The following CMIP variants were observed in gnomAD, a reference collection of about 807,000 sequenced individuals.
CMIP encodes c-Maf inducing protein.
A neutral mutation model predicts 97.3 loss-of-function variants in CMIP; 13 were observed. That is an observed-to-expected ratio of 0.13 (90% CI 0.09 to 0.21). CMIP has a LOEUF of 0.21. CMIP is among the 10% of genes least tolerant of loss of function. CMIP has a pLI of 1.00. For synonymous variants in CMIP, 538 were observed against 436.3 expected (o/e 1.23, Z -2.91); for missense variants, 847 against 1,024.9 (o/e 0.83, Z 2.37).
chr16:81,559,415 C>T (rs1284222709), intron 1 of CMIP, among the ~76,000 whole-genome samples: 1 of 152,220 alleles, frequency 6.6e-6, no homozygotes, highest in Admixed American at 6.5e-5. Flanking sequence ...GGAGATAGAG[C>T]AACGACCACA....
rs1281551724 is a variant in CMIP, at chr16:81,678,472, C to T, written c.1232C>T (p.Thr411Ile). ...EIHVEVERTSTAKPALTASAG... is the reference protein window; with the variant it reads ...EIHVEVERTSIAKPALTASAG... ...CACGTGGAGGTGGAACGCACCAGCA[C>T]TGCCAAGCCGGCGCTGACGGCCAGC... Residue 411 changes from threonine to isoleucine, a missense_variant, in exon 10 of 21, where the codon ACT (threonine) becomes ATT (isoleucine). Physicochemically the swap from Thr to Ile is moderately conservative, Grantham distance 89. This residue lies in a region of CMIP where 202 missense variants were observed against 168.7 expected (regional missense o/e 1.20). Coordinates refer to ENST00000537098, the MANE Select transcript of CMIP (RefSeq NM_198390.3). The T allele has an allele frequency of 1.3e-6, 2 of 1,593,100 alleles. No individual in the cohort carries two copies. The highest frequency in any genetic ancestry group is 3.5e-5 in the Admixed American group (2 of 56,582).
intron 1 of CMIP, among the ~76,000 whole-genome samples, chr16:81,575,404 T>C (rs905100369): frequency 1.3e-5 from 2 of 152,158 alleles, no homozygotes; most frequent in African/African-American, 4.8e-5. Flanking sequence ...TGGCCCTCCT[T>C]TTCTAGCAGG....
chr16:81,696,113 A>C (rs1221490284), intron 13 of CMIP: 1 of 224,280 alleles, frequency 4.5e-6, no homozygotes, highest in Non-Finnish European at 9.0e-6. Flanking sequence ...AGGAGTTAGA[A>C]ACACAGAGAG....
At chr16:81,539,953 G>A (rs888730604) in intron 1 of CMIP, among the ~76,000 whole-genome samples, 1 of 152,230 alleles carries the variant, frequency 6.6e-6, no homozygotes, top group Non-Finnish European at 1.5e-5. Context: ...CCAGCCCTGA[G>A]CACTGGGCCT....
At chr16:81,563,849 A>G (rs1296493979) in intron 1 of CMIP, among the ~76,000 whole-genome samples, 1 of 152,224 alleles carries the variant, frequency 6.6e-6, no homozygotes, top group Non-Finnish European at 1.5e-5. Flanking sequence ...TGTCGGGGCC[A>G]TTAATGGCAC....
At chr16:81,591,187 C>G (rs1211260706) in intron 1 of CMIP, among the ~76,000 whole-genome samples, 1 of 152,218 alleles carries the variant, frequency 6.6e-6, no homozygotes, top group Non-Finnish European at 1.5e-5. Flanking sequence ...CCTCAGTTTT[C>G]TCATCTATAA....
intron 1 of CMIP, among the ~76,000 whole-genome samples, chr16:81,480,796 C>A (rs1908212610): frequency 1.3e-5 from 2 of 152,182 alleles, no homozygotes; most frequent in South Asian, 4.1e-4. Flanking sequence ...ACATCAGTTT[C>A]CCCAACATTG....
chr16:81,659,616 C>G (rs999715188), intron 5 of CMIP, among the ~76,000 whole-genome samples: 1 of 152,166 alleles, frequency 6.6e-6, no homozygotes. Flanking sequence ...GCCTTCCTCT[C>G]CCTGCCAGCA....
rs192881993 is a variant in CMIP, at chr16:81,699,151, G to A, written c.1639-534G>A. Among the ~76,000 whole-genome samples the A allele has an allele frequency of 1.5e-4, 23 of 152,310 alleles. No individual in the cohort carries two copies. The East Asian group carries it at 4.4e-3, about 29-fold the overall frequency. On this transcript the variant is annotated intron_variant, in intron 14 of 20. Coordinates refer to ENST00000537098, the MANE Select transcript of CMIP (RefSeq NM_198390.3). ...GCCTGTAATCCTAGCTTACTAGGGA[G>A]GCTGAGGTGGGAGGATTGCTTGAAC... is the stretch of plus-strand genomic sequence containing the variant.
chr16:81,493,413 T>G (rs1362230135), intron 1 of CMIP, among the ~76,000 whole-genome samples: 2 of 151,632 alleles, frequency 1.3e-5, no homozygotes, highest in Admixed American at 1.3e-4. Context: ...AAAATGCAGA[T>G]GGGAATGTCG....
At chr16:81,477,227 C>T (rs912815683) in intron 1 of CMIP, among the ~76,000 whole-genome samples, 1 of 151,808 alleles carries the variant, frequency 6.6e-6, no homozygotes, top group Non-Finnish European at 1.5e-5. Flanking sequence ...GTGGTCTCGG[C>T]TCACTGCAAC....
At chr16:81,594,907 A>C (rs962764422) in intron 1 of CMIP, among the ~76,000 whole-genome samples, 11 of 151,322 alleles carry the variant, frequency 7.3e-5, no homozygotes, top group African/African-American at 2.7e-4. Context: ...TGGGGATTAC[A>C]GGTGTGAGCC....
chr16:81,469,684 G>C (rs145627146), intron 1 of CMIP, among the ~76,000 whole-genome samples: 1 of 152,218 alleles, frequency 6.6e-6, no homozygotes, highest in African/African-American at 2.4e-5. Flanking sequence ...GTTCTTCAGA[G>C]AACTCACTAT....
At chr16:81,530,208 A>T (rs2090205674) in intron 1 of CMIP, among the ~76,000 whole-genome samples, 1 of 152,174 alleles carries the variant, frequency 6.6e-6, no homozygotes, top group African/African-American at 2.4e-5. Flanking sequence ...CATTCCTACC[A>T]GGGTCCCACG....
intron 1 of CMIP, among the ~76,000 whole-genome samples, chr16:81,577,758 A>G (rs961700138): frequency 6.8e-6 from 1 of 146,130 alleles, no homozygotes; most frequent in African/African-American, 2.7e-5. Context: ...CCACTACGCT[A>G]TTATCACTAT....
chr16:81,594,232 C>G (rs1028573097), intron 1 of CMIP, among the ~76,000 whole-genome samples: 6 of 150,900 alleles, frequency 4.0e-5, no homozygotes, highest in African/African-American at 1.5e-4. Context: ...ATCCTCCCAC[C>G]TCAGCCTCCC....
Position 81,603,009 on chromosome 16 carries a change from C to T in CMIP, c.301-4558C>T, listed in dbSNP as rs146225730. ...TCAGAGGCTTTCCATCCCAATCCAG[C>T]CCATGTCCCCTGCAAGCCTCCCGTG... On this transcript the variant is annotated intron_variant, in intron 1 of 20. Coordinates refer to ENST00000537098, the MANE Select transcript of CMIP (RefSeq NM_198390.3). Among the ~76,000 whole-genome samples, 745 of 152,342 alleles carry T rather than the reference C, an allele frequency of 4.9e-3. 10 individuals carry two copies. Among genetic ancestry groups the T allele is most frequent in the African/African-American group, 0.017 (716 of 41,584 alleles).
At chr16:81,495,232 A>G in intron 1 of CMIP, 1 of 1,185,634 alleles carries the variant, frequency 8.4e-7, no homozygotes, top group South Asian at 1.7e-5. Flanking sequence ...TTCTCAGTGA[A>G]ACAGACACTG....
intron 1 of CMIP, among the ~76,000 whole-genome samples, chr16:81,505,183 C>A (rs1456564101): frequency 6.6e-6 from 1 of 152,224 alleles, no homozygotes; most frequent in Non-Finnish European, 1.5e-5. Flanking sequence ...GGGGTGTGGC[C>A]ACTTGTACAG....
Sources: gnomAD v4.1 joint callset for allele counts (sites outside exome capture counted in the v4.1 genomes callset) on GRCh38, gnomAD v4.1.1 for gene constraint, gnomAD v4.1.1 regional missense constraint, MANE v1.5 for transcripts, NCBI Gene and HGNC (gene_info 2026-07-23, HGNC 2026-07-21) for gene names.